PARD3: variants seen among roughly 807,000 people sequenced by gnomAD.
PARD3 encodes the protein partitioning defective 3 homolog.
A neutral mutation model predicts 155.4 loss-of-function variants in PARD3; 75 were observed. The observed-to-expected ratio is 0.48, with a 90% CI of 0.40 to 0.58. The LOEUF is 0.58. Among genes scored for constraint, PARD3 ranks in the 20% least tolerant of loss-of-function variants. The pLI is 0.00. For missense variants in PARD3, 1,642 were observed against 1,721.7 expected (o/e 0.95, Z 0.82); for synonymous variants, 576 against 610.5 (o/e 0.94, Z 0.83).
intron 1 of PARD3, among the ~76,000 whole-genome samples, chr10:34,733,948 G>GT (rs11448579): frequency 0.32 from 46,972 of 144,790 alleles, 7,836 homozygotes; most frequent in Non-Finnish European, 0.39. Context: ...AATCAAAGCT[G>GT]TTTTTTTTTT....
chr10:34,635,544 A>C (rs779903214), intron 2 of PARD3, among the ~76,000 whole-genome samples: 4 of 152,256 alleles, frequency 2.6e-5, no homozygotes, highest in Non-Finnish European at 2.9e-5. Flanking sequence ...TAAAGCACTC[A>C]GAACAGCACC....
intron 12 of PARD3, among the ~76,000 whole-genome samples, chr10:34,367,456 G>A (rs141892608): frequency 3.3e-5 from 5 of 151,768 alleles, no homozygotes; most frequent in East Asian, 3.9e-4. Context: ...CTGTAATCCC[G>A]GCACTTTGGG....
intron 2 of PARD3, among the ~76,000 whole-genome samples, chr10:34,685,427 C>A (rs2093938511): frequency 1.3e-5 from 2 of 152,162 alleles, no homozygotes; most frequent in Non-Finnish European, 2.9e-5. Flanking sequence ...CCTACCTGAT[C>A]AGCAAAAAAC....
rs1379661863 is a variant in PARD3, at chr10:34,450,406, A to G, written c.625T>C (p.Trp209Arg). The change falls in exon 5 of 25, where the codon TGG (tryptophan) becomes CGG (arginine). Residue 209 changes from tryptophan to arginine, a missense_variant. Coordinates refer to ENST00000374788, the MANE Select transcript of PARD3 (RefSeq NM_001184785.2). ...YRSLPRDTSN[W>R]SNQFQRDNAR... The stretch of plus-strand genomic sequence containing the variant: ...TTGTCTCTCTGAAATTGGTTAGACC[A>G]GTTACTAGTATCCCGCGGGAGGCTT... 1.9e-6 allele frequency: 3 copies of G among 1,613,756 alleles called. No individual in the cohort carries two copies. The highest frequency in any genetic ancestry group is 1.7e-4 in the Middle Eastern group (1 of 6,060).
At chr10:34,129,575 C>T (rs913580054) in intron 23 of PARD3, among the ~76,000 whole-genome samples, 3 of 152,108 alleles carry the variant, frequency 2.0e-5, no homozygotes, top group Non-Finnish European at 4.4e-5. Context: ...TTCAATCTAG[C>T]ATTGAAGGCT....
intron 24 of PARD3, among the ~76,000 whole-genome samples, chr10:34,117,240 G>A (rs1411763421): frequency 6.6e-6 from 1 of 152,100 alleles, no homozygotes; most frequent in Non-Finnish European, 1.5e-5. Context: ...CTCAGGCACG[G>A]CCAAAATATA....
chr10:34,430,531 A>G (rs2075847949), intron 5 of PARD3, among the ~76,000 whole-genome samples: 1 of 152,234 alleles, frequency 6.6e-6, no homozygotes, highest in Admixed American at 6.5e-5. Flanking sequence ...AACTAAAATA[A>G]CTAACACTGA....
At chr10:34,583,871 GAAGATT>G (rs1169660406) in intron 2 of PARD3, among the ~76,000 whole-genome samples, 1 of 151,074 alleles carries the variant, frequency 6.6e-6, no homozygotes, top group Non-Finnish European at 1.5e-5. Flanking sequence ...CTACAAAATT[GAAGATT>G]AAAAAAAATC....
At chr10:34,476,173 T>C (rs1194417570) in intron 3 of PARD3, among the ~76,000 whole-genome samples, 1 of 152,170 alleles carries the variant, frequency 6.6e-6, no homozygotes, top group Non-Finnish European at 1.5e-5. Flanking sequence ...TGAGCTTCCA[T>C]ATGTTGGAGA....
At chr10:34,785,474 A>T (rs1840843264) in intron 1 of PARD3, among the ~76,000 whole-genome samples, 1 of 152,078 alleles carries the variant, frequency 6.6e-6, no homozygotes. Context: ...GTCCAGGCAC[A>T]GTGGCTCACG....
chr10:34,651,005 C>G (rs1346940893), intron 2 of PARD3, among the ~76,000 whole-genome samples: 1 of 78,868 alleles, frequency 1.3e-5, no homozygotes, highest in Non-Finnish European at 2.2e-5. Flanking sequence ...GAACGAAACT[C>G]TGTCTCAAAA....
chr10:34,419,930 T>C (rs183409266), intron 5 of PARD3, among the ~76,000 whole-genome samples: 2 of 152,356 alleles, frequency 1.3e-5, no homozygotes, highest in Admixed American at 1.3e-4. Flanking sequence ...AATTTATTTT[T>C]ACCTCAACTG....
At chr10:34,593,362 C>T (rs948159692) in intron 2 of PARD3, among the ~76,000 whole-genome samples, 6 of 152,160 alleles carry the variant, frequency 3.9e-5, no homozygotes, top group South Asian at 2.1e-4. Context: ...CAGTTGAGCA[C>T]GAATTTATAC....
intron 4 of PARD3, among the ~76,000 whole-genome samples, chr10:34,455,224 T>A (rs1016281170): frequency 6.6e-6 from 1 of 152,188 alleles, no homozygotes; most frequent in African/African-American, 2.4e-5. Flanking sequence ...TTAAGAATTA[T>A]GAGAAATCAT....
At chr10:34,775,482 C>T (rs547198932) in intron 1 of PARD3, among the ~76,000 whole-genome samples, 1 of 152,218 alleles carries the variant, frequency 6.6e-6, no homozygotes, top group Non-Finnish European at 1.5e-5. Flanking sequence ...GCACTCCAGC[C>T]TGGACATCAG....
intron 5 of PARD3, among the ~76,000 whole-genome samples, chr10:34,431,602 T>C (rs1386671462): frequency 2.0e-5 from 3 of 151,714 alleles, no homozygotes; most frequent in Non-Finnish European, 2.9e-5. Context: ...TAGCTAGGCA[T>C]GGTGGTGTGT....
chr10:34,194,523 T>C (rs1459003904), intron 22 of PARD3, among the ~76,000 whole-genome samples: 1 of 152,086 alleles, frequency 6.6e-6, no homozygotes, highest in Non-Finnish European at 1.5e-5. Flanking sequence ...AGGGAATTTA[T>C]GCATCAACTG....
intron 20 of PARD3, among the ~76,000 whole-genome samples, chr10:34,301,767 G>A (rs1267646832): frequency 6.6e-6 from 1 of 151,012 alleles, no homozygotes; most frequent in African/African-American, 2.4e-5. Flanking sequence ...TATCCACCCA[G>A]CTGACCAGGC....
chr10:34,540,992 C>T (rs2083569653), intron 2 of PARD3, among the ~76,000 whole-genome samples: 1 of 152,026 alleles, frequency 6.6e-6, no homozygotes, highest in Non-Finnish European at 1.5e-5. Flanking sequence ...TTTCAAGATC[C>T]AGCATCCTTA....
Sources: gnomAD v4.1 joint callset for allele counts (sites outside exome capture counted in the v4.1 genomes callset) on GRCh38, gnomAD v4.1.1 for gene constraint, MANE v1.5 for transcripts, NCBI Gene and HGNC (gene_info 2026-07-23, HGNC 2026-07-21) for gene names.